Variants in CNOT2 observed in about 807,000 individuals in gnomAD.
CNOT2 encodes CCR4-NOT transcription complex subunit 2, also known as CC chemokine receptor 4-negative regulator of transcription 2.
Under a neutral mutation model 72.1 loss-of-function variants are expected in CNOT2, and 7 were observed. The observed-to-expected ratio is 0.10, with a 90% CI of 0.06 to 0.18. CNOT2 has a LOEUF of 0.18. CNOT2 is among the 10% of genes least tolerant of loss of function. The pLI, the probability that CNOT2 is intolerant of heterozygous loss-of-function variation, is 1.00. For synonymous variants in CNOT2, 196 were observed against 225.6 expected, an observed-to-expected ratio of 0.87 and a Z score of 1.17; for missense variants, 345 against 660.3, an observed-to-expected ratio of 0.52 and a Z score of 5.23.
At chr12:70,303,856 A>G (rs970161897) in intron 2 of CNOT2, among the ~76,000 whole-genome samples, 9 of 151,506 alleles carry the variant, frequency 5.9e-5, no homozygotes, top group Non-Finnish European at 1.3e-4. Context: ...AGGTACACCA[A>G]GTAGATTTGG....
chr12:70,341,225 G>A (rs1881465740), intron 11 of CNOT2, among the ~76,000 whole-genome samples: 1 of 152,020 alleles, frequency 6.6e-6, no homozygotes, highest in Non-Finnish European at 1.5e-5. Context: ...GGTCTTACAT[G>A]ATTATTGTTT....
intron 15 of CNOT2, among the ~76,000 whole-genome samples, chr12:70,349,530 T>C (rs1882610722): frequency 6.6e-6 from 1 of 152,164 alleles, no homozygotes; most frequent in South Asian, 2.1e-4. Context: ...TAATATTTTG[T>C]ATGAGCATTT....
At chr12:70,245,715 C>T (rs1450168756) in intron 1 of CNOT2, among the ~76,000 whole-genome samples, 1 of 152,072 alleles carries the variant, frequency 6.6e-6, no homozygotes, top group South Asian at 2.1e-4. Flanking sequence ...TGTGGCTTAT[C>T]TTCTGATGCT....
intron 2 of CNOT2, among the ~76,000 whole-genome samples, chr12:70,305,715 G>A (rs534029173): frequency 1.3e-5 from 2 of 152,238 alleles, no homozygotes; most frequent in South Asian, 4.1e-4. Flanking sequence ...GCAAAGTCAT[G>A]TTGAGGTGAT....
chr12:70,327,842 G>A (rs1281307816), intron 4 of CNOT2: 1 of 151,744 alleles, frequency 6.6e-6, no homozygotes, highest in African/African-American at 2.4e-5. Context: ...TGGTTTGTTA[G>A]GAGCACACCT....
chr12:70,290,072 A>G (rs940158140), intron 2 of CNOT2, among the ~76,000 whole-genome samples: 1 of 151,932 alleles, frequency 6.6e-6, no homozygotes, highest in Non-Finnish European at 1.5e-5. Context: ...ACAGAACCAG[A>G]GTAATCTTTA....
intron 2 of CNOT2, among the ~76,000 whole-genome samples, chr12:70,308,114 C>A (rs1255457915): frequency 6.6e-6 from 1 of 152,136 alleles, no homozygotes; most frequent in African/African-American, 2.4e-5. Context: ...TACTGACCCT[C>A]TGAACTGACT....
intron 2 of CNOT2, among the ~76,000 whole-genome samples, chr12:70,305,729 C>A (rs1875176646): frequency 6.6e-6 from 1 of 152,126 alleles, no homozygotes; most frequent in South Asian, 2.1e-4. Context: ...AGGTGATGAT[C>A]TCAGGGATTT....
chr12:70,276,782 A>G (rs1593099765), intron 1 of CNOT2, among the ~76,000 whole-genome samples: 1 of 152,016 alleles, frequency 6.6e-6, no homozygotes, highest in Non-Finnish European at 1.5e-5. Context: ...AATAATTACA[A>G]TTTTGTCATA....
chr12:70,327,207 G>A (rs545292992), intron 4 of CNOT2, among the ~76,000 whole-genome samples: 95 of 150,492 alleles, frequency 6.3e-4, no homozygotes, highest in Non-Finnish European at 1.0e-3. Flanking sequence ...GTGTAGAGAG[G>A]GTGAAAAGTA....
intron 2 of CNOT2, among the ~76,000 whole-genome samples, chr12:70,296,149 A>C (rs1298767660): frequency 2.0e-5 from 3 of 151,998 alleles, no homozygotes; most frequent in African/African-American, 7.3e-5. Flanking sequence ...CCACCAACAC[A>C]CACACACATA....
intron 1 of CNOT2, 165 bp downstream of exon 1, chr12:70,243,645 C>T (rs1957684593): frequency 6.6e-6 from 1 of 150,510 alleles, no homozygotes. Context: ...TTTGTCTCGG[C>T]TCCAATCGAG....
At chr12:70,293,962 T>C (rs898321485) in intron 2 of CNOT2, 6 of 334,192 alleles carry the variant, frequency 1.8e-5, no homozygotes, top group African/African-American at 1.1e-4. Context: ...TTTGAATTAG[T>C]CTGAAAGATG....
intron 1 of CNOT2, among the ~76,000 whole-genome samples, chr12:70,253,370 G>A (rs373273966): frequency 7.2e-5 from 11 of 152,234 alleles, no homozygotes; most frequent in African/African-American, 2.4e-4. Context: ...TGACAAGTAG[G>A]TATTTACTGT....
Position 70,344,055 on chromosome 12 carries a change from T to C in CNOT2, c.1291-73T>C, listed in dbSNP as rs1881849924. On this transcript the variant is annotated intron_variant, in intron 13 of 15. Transcript: ENST00000229195. ...TCTGTTTATCTCTCCATTTTTTCTT[T>C]AGTAGTAGCAACTATATATTAGGAT... 4.4e-6 allele frequency: 4 copies of C among 916,902 alleles called. No homozygotes were observed. The East Asian group carries it at 7.6e-5, about 17-fold the overall frequency. 56.8% of individuals were successfully genotyped at this position (916,902 alleles called of 1,614,324 possible). A position where few individuals can be genotyped will look rare whatever the true frequency, so the allele number is the denominator to read the frequency against.
chr12:70,245,498 T>C (rs1364024307), intron 1 of CNOT2, among the ~76,000 whole-genome samples: 1 of 152,180 alleles, frequency 6.6e-6, no homozygotes, highest in Non-Finnish European at 1.5e-5. Flanking sequence ...AGGAATCTTT[T>C]TCTAAGTATA....
chr12:70,297,586 G>C (rs1873032153), intron 2 of CNOT2, among the ~76,000 whole-genome samples: 2 of 152,246 alleles, frequency 1.3e-5, no homozygotes, highest in African/African-American at 4.8e-5. Flanking sequence ...TAAGAGTTTG[G>C]TTATAATTAT....
intron 2 of CNOT2, among the ~76,000 whole-genome samples, chr12:70,294,798 T>G (rs1872562855): frequency 1.3e-5 from 2 of 152,194 alleles, no homozygotes; most frequent in Admixed American, 6.5e-5. Flanking sequence ...TTCAAACATC[T>G]TTTTCCTTGA....
intron 1 of CNOT2, among the ~76,000 whole-genome samples, chr12:70,253,242 A>C (rs1023583243): frequency 3.8e-4 from 58 of 152,332 alleles, no homozygotes; most frequent in African/African-American, 1.3e-3. Flanking sequence ...TGAATAGTGC[A>C]GAGTTAGTTA....
Sources: allele counts gnomAD v4.1 joint callset (sites outside exome capture counted in the v4.1 genomes callset), GRCh38; gene constraint gnomAD v4.1.1; transcripts MANE v1.5; gene names NCBI Gene and HGNC (gene_info 2026-07-23, HGNC 2026-07-21).